Variants in NCOA2 observed in about 807,000 individuals in gnomAD.
The protein encoded by NCOA2 is nuclear receptor coactivator 2.
In NCOA2, 21 loss-of-function variants were observed where a neutral mutation model predicts 145.1. The ratio of observed to expected loss-of-function variants is 0.14; its 90% CI spans 0.10 to 0.21. The LOEUF is 0.21. NCOA2 is among the 10% of genes least tolerant of loss of function. NCOA2 has a pLI of 1.00. For synonymous variants in NCOA2, 619 were observed against 637.5 expected, an observed-to-expected ratio of 0.97 and a Z score of 0.44; for missense variants, 1,472 against 1,837.6, an observed-to-expected ratio of 0.80 and a Z score of 3.64.
At chr8:70,261,802 G>T (rs1426695317) in intron 2 of NCOA2, among the ~76,000 whole-genome samples, 1 of 151,894 alleles carries the variant, frequency 6.6e-6, no homozygotes, top group Admixed American at 6.6e-5. Context: ...ATAAAACAGC[G>T]TATTACATAA....
chr8:70,384,064 C>A (rs913178001), intron 1 of NCOA2, among the ~76,000 whole-genome samples: 2 of 152,116 alleles, frequency 1.3e-5, no homozygotes, highest in African/African-American at 4.8e-5. Context: ...GTGAATTTAT[C>A]TTTGAAACAG....
chr8:70,299,854 GT>G (rs1827363580), intron 1 of NCOA2, among the ~76,000 whole-genome samples: 1 of 152,196 alleles, frequency 6.6e-6, no homozygotes, highest in African/African-American at 2.4e-5. Context: ...AGCAGTTATT[GT>G]CCACAATAGC....
At chr8:70,306,273 C>T (rs750229313) in intron 1 of NCOA2, among the ~76,000 whole-genome samples, 3 of 152,132 alleles carry the variant, frequency 2.0e-5, no homozygotes, top group Non-Finnish European at 4.4e-5. Context: ...GACAGGACTT[C>T]TCCCAGTCCT....
intron 2 of NCOA2, among the ~76,000 whole-genome samples, chr8:70,269,038 G>A (rs1824834108): frequency 6.6e-6 from 1 of 152,004 alleles, no homozygotes; most frequent in Non-Finnish European, 1.5e-5. Flanking sequence ...GAAAAGTGAA[G>A]GGGGGGAGGA....
intron 1 of NCOA2, among the ~76,000 whole-genome samples, chr8:70,316,455 G>A (rs2136091420): frequency 6.6e-6 from 1 of 152,310 alleles, no homozygotes; most frequent in Admixed American, 6.5e-5. Context: ...CAGCACTCTG[G>A]TTTTGTTTCC....
At chr8:70,403,029 C>T (rs1814498885) in intron 1 of NCOA2, among the ~76,000 whole-genome samples, 2 of 148,078 alleles carry the variant, frequency 1.4e-5, no homozygotes, top group Admixed American at 6.7e-5. Context: ...CGCCGGGCCG[C>T]GGCTCCCCTT....
intron 11 of NCOA2, among the ~76,000 whole-genome samples, chr8:70,149,357 C>T (rs571790307): frequency 6.6e-6 from 1 of 151,526 alleles, no homozygotes; most frequent in African/African-American, 2.4e-5. Flanking sequence ...ACCTGAGCCT[C>T]CTCAGTAGCT....
At chr8:70,260,067 A>G (rs1484576475) in intron 2 of NCOA2, among the ~76,000 whole-genome samples, 1 of 152,240 alleles carries the variant, frequency 6.6e-6, no homozygotes, top group African/African-American at 2.4e-5. Context: ...AGTTACAACC[A>G]TAACCCTCCT....
chr8:70,412,875 A>T, the NCOA2 span, among the ~76,000 whole-genome samples: 12,289 of 151,996 alleles, frequency 0.081, 911 homozygotes, highest in East Asian at 0.26. Context: ...AGGCAGGTAG[A>T]TCACTGGAGG....
intron 1 of NCOA2, among the ~76,000 whole-genome samples, chr8:70,318,437 C>T (rs1805787040): frequency 6.6e-6 from 1 of 152,186 alleles, no homozygotes; most frequent in Non-Finnish European, 1.5e-5. Flanking sequence ...CTAACTGACA[C>T]ACCTGAACCT....
chr8:70,380,059 C>G (rs962220226), intron 1 of NCOA2, among the ~76,000 whole-genome samples: 91 of 152,180 alleles, frequency 6.0e-4, no homozygotes, highest in African/African-American at 2.2e-3. Flanking sequence ...AATTAACATA[C>G]AGCTTAAGCC....
intron 2 of NCOA2, among the ~76,000 whole-genome samples, chr8:70,222,361 C>A (rs1316493913): frequency 1.3e-5 from 2 of 152,100 alleles, no homozygotes; most frequent in Non-Finnish European, 2.9e-5. Flanking sequence ...AATAACATAT[C>A]CTGCAACCAC....
intron 1 of NCOA2, among the ~76,000 whole-genome samples, chr8:70,331,894 A>C (rs1807140003): frequency 6.6e-6 from 1 of 152,172 alleles, no homozygotes; most frequent in African/African-American, 2.4e-5. Flanking sequence ...TAAACAATAA[A>C]ACATGACTTA....
intron 1 of NCOA2, among the ~76,000 whole-genome samples, chr8:70,305,961 T>C (rs1208991230): frequency 6.6e-6 from 1 of 152,150 alleles, no homozygotes; most frequent in Non-Finnish European, 1.5e-5. Context: ...ATCCCATGGA[T>C]CCAAATGTCA....
At chr8:70,282,660 C>A (rs1042854091) in intron 2 of NCOA2, among the ~76,000 whole-genome samples, 5 of 149,122 alleles carry the variant, frequency 3.4e-5, no homozygotes, top group Non-Finnish European at 7.4e-5. Context: ...TGTACTCCAG[C>A]CTGGGCAAAA....
At position 70,123,970 on chromosome 8, in the gene NCOA2, T is replaced by C; in HGVS notation, c.4207A>G (p.Ser1403Gly). The C allele has an allele frequency of 6.2e-7, 1 of 1,614,026 alleles. No homozygotes were observed. The highest frequency in any genetic ancestry group is 8.5e-7 in the Non-Finnish European group (1 of 1,179,862). Reference sequence around the variant, plus strand: ...ATCTGTCCTGTCATCTGGTTCATGCTGCTCATGCCACCTGTGTTGGTCGCC... The same window carrying C: ...ATCTGTCCTGTCATCTGGTTCATGCCGCTCATGCCACCTGTGTTGGTCGCC... ...SMATNTGGMS[S>G]MNQMTGQISM... The change falls in exon 21 of 23, where the codon AGC (serine) becomes GGC (glycine). Residue 1403 changes from serine (S) to glycine (G), a missense_variant. Physicochemically the swap from Ser to Gly is moderately conservative, Grantham distance 56. This residue lies in a region of NCOA2 where 232 missense variants were observed against 290.6 expected (regional missense o/e 0.80). Transcript: ENST00000452400.
chr8:70,397,288 C>A (rs995635967), intron 1 of NCOA2, among the ~76,000 whole-genome samples: 6 of 151,868 alleles, frequency 4.0e-5, no homozygotes, highest in Middle Eastern at 3.4e-3. Flanking sequence ...CTCATCTCTA[C>A]CAAAAAATAC....
intron 1 of NCOA2, among the ~76,000 whole-genome samples, chr8:70,297,073 C>T (rs980897438): frequency 2.0e-5 from 3 of 152,082 alleles, no homozygotes; most frequent in African/African-American, 7.2e-5. Flanking sequence ...TCTGAGTGGC[C>T]GTCCTTATAC....
At chr8:70,116,413 G>A (rs977779396) in intron 22 of NCOA2, among the ~76,000 whole-genome samples, 3 of 152,030 alleles carry the variant, frequency 2.0e-5, no homozygotes, top group African/African-American at 7.2e-5. Flanking sequence ...TTAGCTGGGT[G>A]TGGTGGCATG....
Sources: gnomAD v4.1 joint callset for allele counts (sites outside exome capture counted in the v4.1 genomes callset) on GRCh38, gnomAD v4.1.1 for gene constraint, gnomAD v4.1.1 regional missense constraint, MANE v1.5 for transcripts, NCBI Gene and HGNC (gene_info 2026-07-23, HGNC 2026-07-21) for gene names.